Variants in FAR2 observed in about 807,000 individuals in gnomAD.
The protein encoded by FAR2 is epididymis secretory protein Li 81.
Under a neutral mutation model 56.0 loss-of-function variants are expected in FAR2, and 19 were observed. The ratio of observed to expected loss-of-function variants is 0.34; its 90% CI spans 0.24 to 0.50. The LOEUF (loss-of-function observed/expected upper bound fraction) is 0.50, where lower values mean the gene tolerates loss of function less well. FAR2 is among the 20% of genes least tolerant of loss of function. The pLI is 0.98. For synonymous variants in FAR2, 219 were observed against 218.8 expected (o/e 1.00, Z -0.01); for missense variants, 508 against 642.2 (o/e 0.79, Z 2.26).
In FAR2 at chr12:29,333,671, C is replaced by T; in HGVS notation, c.1425C>T (p.Phe475=). Reference sequence around the variant, plus strand: ...ACTACCTCTTTAATACTGCCCTCTTCCTTATCGCCTGGCGCCTTCTCATTG... The same window carrying T: ...ACTACCTCTTTAATACTGCCCTCTTTCTTATCGCCTGGCGCCTTCTCATTG... ...NIHYLFNTAL[F]LIAWRLLIAR... is the part of the protein sequence containing the mutation. The change falls in exon 12 of 12, where the codon TTC becomes TTT. Residue 475 remains phenylalanine, a synonymous_variant. Transcript: ENST00000536681. The T allele has an allele frequency of 2.5e-6, 4 of 1,613,876 alleles. No individual in the cohort carries two copies. The highest frequency in any genetic ancestry group is 3.4e-6 in the Non-Finnish European group (4 of 1,179,780).
chr12:29,202,502 CAGGCACT>C (rs1332079209), intron 1 of FAR2, among the ~76,000 whole-genome samples: 3 of 152,166 alleles, frequency 2.0e-5, no homozygotes, highest in Admixed American at 6.5e-5. Flanking sequence ...ACAAGTCTGA[CAGGCACT>C]AGCAGTAAGA....
At chr12:29,293,541 C>A in intron 3 of FAR2, 66 bp downstream of exon 3, 4 of 1,219,760 alleles carry the variant, frequency 3.3e-6, no homozygotes, top group Non-Finnish European at 4.2e-6. Flanking sequence ...TTCATAGTTT[C>A]TGTAAAAAAA....
Position 29,254,226 on chromosome 12 carries a change from C to T in FAR2, c.-38-16186C>T, listed in dbSNP as rs1948279105. Among the ~76,000 whole-genome samples the T allele has an allele frequency of 3.9e-5, 6 of 152,064 alleles. No individual in the cohort carries two copies. The South Asian group carries it at 1.2e-3, about 32-fold the overall frequency. ...CCTGGAAAAACTATATATAACAAGC[C>T]CACAGTGAAAAGTACCTAAGTTAAT... On this transcript the variant is annotated intron_variant, in intron 1 of 11. Coordinates refer to ENST00000536681, the MANE Select transcript of FAR2 (RefSeq NM_001271783.2).
intron 1 of FAR2, among the ~76,000 whole-genome samples, chr12:29,242,437 T>C (rs936433911): frequency 2.6e-5 from 4 of 152,154 alleles, no homozygotes; most frequent in South Asian, 2.1e-4. Context: ...AATTCCCTAA[T>C]TGAGTCACTG....
At chr12:29,218,881 T>TTTTATTTATTTA (rs58268149) in intron 1 of FAR2, among the ~76,000 whole-genome samples, 53 of 151,240 alleles carry the variant, frequency 3.5e-4, no homozygotes, top group African/African-American at 1.0e-3. Flanking sequence ...CGTGTTAGAA[T>TTTTATTTATTTA]TTTATTTATT....
At chr12:29,253,477 G>A (rs990418676) in intron 1 of FAR2, among the ~76,000 whole-genome samples, 1 of 151,472 alleles carries the variant, frequency 6.6e-6, no homozygotes, top group African/African-American at 2.4e-5. Context: ...ATATATCTAT[G>A]TATATGTATT....
At chr12:29,277,765 T>G (rs1271082238) in intron 2 of FAR2, 1 of 152,162 alleles carries the variant, frequency 6.6e-6, no homozygotes, top group Non-Finnish European at 1.5e-5. Flanking sequence ...CTACTTTGCA[T>G]GCTTCTATCT....
At chr12:29,295,752 CG>C (rs1949055928) in intron 3 of FAR2, among the ~76,000 whole-genome samples, 1 of 128,410 alleles carries the variant, frequency 7.8e-6, no homozygotes, top group South Asian at 2.5e-4. Context: ...TGATTTTTTA[CG>C]TAATTTTTTT....
rs376798773 is a variant in FAR2, at chr12:29,311,053, T to A, written c.794T>A (p.Ile265Lys). 1.9e-6 allele frequency: 3 copies of A among 1,613,464 alleles called. No homozygotes were observed. The highest frequency in any genetic ancestry group is 2.5e-6 in the Non-Finnish European group (3 of 1,179,572). ...IATGKGFLRAIKATPMAVADV... is the reference protein window; with the variant it reads ...IATGKGFLRAKKATPMAVADV... The stretch of plus-strand genomic sequence containing the variant: ...ACTGGGAAAGGGTTTCTTCGGGCCA[T>A]AAAAGCTACTCCAATGGCTGTGGCA... Residue 265 changes from isoleucine (I) to lysine (K), a missense_variant, in exon 7 of 12, where the codon ATA becomes AAA. Physicochemically the swap from Ile to Lys is moderately radical, Grantham distance 102. Transcript: ENST00000536681.
chr12:29,290,454 A>G (rs901427124), intron 2 of FAR2, among the ~76,000 whole-genome samples: 2 of 152,096 alleles, frequency 1.3e-5, no homozygotes, highest in Non-Finnish European at 2.9e-5. Flanking sequence ...TGAGAAAAAA[A>G]AAAAAAGAAA....
At chr12:29,264,784 A>G (rs1948485566) in intron 1 of FAR2, among the ~76,000 whole-genome samples, 1 of 152,042 alleles carries the variant, frequency 6.6e-6, no homozygotes, top group South Asian at 2.1e-4. Context: ...AAAGCTAAAC[A>G]CTCCACCAAG....
intron 1 of FAR2, among the ~76,000 whole-genome samples, chr12:29,259,867 A>T (rs1462552311): frequency 6.6e-6 from 1 of 152,104 alleles, no homozygotes; most frequent in Non-Finnish European, 1.5e-5. Flanking sequence ...GTGTGTTAGT[A>T]TTCTGGAGAT....
At chr12:29,218,314 A>G (rs1173469740) in intron 1 of FAR2, among the ~76,000 whole-genome samples, 1 of 151,560 alleles carries the variant, frequency 6.6e-6, no homozygotes, top group South Asian at 2.1e-4. Context: ...AGCCGAGATC[A>G]TGCCACTGCA....
chr12:29,260,615 G>T (rs1383754155), intron 1 of FAR2, among the ~76,000 whole-genome samples: 3 of 152,062 alleles, frequency 2.0e-5, no homozygotes, highest in Non-Finnish European at 2.9e-5. Flanking sequence ...TGAGGACAGG[G>T]GAGTGAAGAG....
intron 8 of FAR2, among the ~76,000 whole-genome samples, chr12:29,314,345 T>C (rs923780269): frequency 9.9e-5 from 15 of 152,056 alleles, no homozygotes; most frequent in African/African-American, 2.2e-4. Context: ...AGATGTTATA[T>C]GCTGGTATGG....
chr12:29,184,885 G>T lies in FAR2; in HGVS notation c.-39+35478G>T, dbSNP rs562621136. Reference sequence around the variant, plus strand: ...CTATTTCTTCTGTGTTGAATTCTCAGTAGGAATAGGTAAAAATATCATCAG... The same window carrying T: ...CTATTTCTTCTGTGTTGAATTCTCATTAGGAATAGGTAAAAATATCATCAG... On this transcript the variant is annotated intron_variant, in intron 1 of 11. Transcript: ENST00000536681. 1.3e-4 allele frequency among the ~76,000 whole-genome samples: 20 copies of T among 152,168 alleles called. No individual in the cohort carries two copies. The South Asian group carries it at 4.2e-3, about 32-fold the overall frequency.
intron 1 of FAR2, among the ~76,000 whole-genome samples, chr12:29,253,332 G>GATATCTAT (rs2136680616): frequency 6.7e-6 from 1 of 148,344 alleles, no homozygotes; most frequent in South Asian, 2.1e-4. Flanking sequence ...TATCTAGATA[G>GATATCTAT]ATATCTATAT....
intron 1 of FAR2, among the ~76,000 whole-genome samples, chr12:29,221,037 T>G (rs528178906): frequency 6.6e-6 from 1 of 151,636 alleles, no homozygotes; most frequent in South Asian, 2.1e-4. Flanking sequence ...TTTACTGGAG[T>G]TGTGCGCATG....
chr12:29,238,156 C>T (rs1363427200), intron 1 of FAR2, among the ~76,000 whole-genome samples: 1 of 152,066 alleles, frequency 6.6e-6, no homozygotes, highest in Non-Finnish European at 1.5e-5. Context: ...CCACAATTAT[C>T]TAAAAAAGGC....
Sources: allele counts gnomAD v4.1 joint callset (sites outside exome capture counted in the v4.1 genomes callset), GRCh38; gene constraint gnomAD v4.1.1; transcripts MANE v1.5; gene names NCBI Gene and HGNC (gene_info 2026-07-23, HGNC 2026-07-21).